DDX20: variants seen among roughly 807,000 people sequenced by gnomAD.
The protein encoded by DDX20 is probable ATP-dependent RNA helicase DDX20.
A neutral mutation model predicts 76.4 loss-of-function variants in DDX20; 61 were observed. That is an observed-to-expected ratio of 0.80 (90% CI 0.65 to 0.99). The LOEUF (loss-of-function observed/expected upper bound fraction) is 0.99, where lower values mean the gene tolerates loss of function less well. DDX20 is among the 50% of genes least tolerant of loss of function. The probability of loss-of-function intolerance (pLI) is 0.00; values close to 1 mark genes in which losing one functional copy is unlikely to be tolerated. For synonymous variants in DDX20, 357 were observed against 357.4 expected, an observed-to-expected ratio of 1.00 and a Z score of 0.01; for missense variants, 976 against 996.8, an observed-to-expected ratio of 0.98 and a Z score of 0.28.
chr1:111,759,899 G>A (rs900092544), intron 3 of DDX20, among the ~76,000 whole-genome samples: 2 of 149,666 alleles, frequency 1.3e-5, no homozygotes, highest in Admixed American at 6.7e-5. Flanking sequence ...GCGTGAACCC[G>A]GGAGGCGGAG....
Position 111,759,479 on chromosome 1 carries a change from G to T in DDX20, c.476G>T (p.Gly159Val). The change falls in exon 3 of 11, where the codon GGC (glycine) becomes GTC (valine). Residue 159 changes from glycine to valine, a missense_variant. Transcript: ENST00000369702. ...ACAGCCATTGGAATAAAAATGGAAG[G>T]CTTAGAGTGTCATGTCTTTATTGGA... Reference protein sequence around the residue: ...VITAIGIKMEGLECHVFIGGT... With the variant: ...VITAIGIKMEVLECHVFIGGT... The T allele has an allele frequency of 1.2e-6, 2 of 1,613,732 alleles. No homozygotes were observed. The highest frequency in any genetic ancestry group is 1.7e-6 in the Non-Finnish European group (2 of 1,179,756).
intron 2 of DDX20, among the ~76,000 whole-genome samples, chr1:111,757,132 A>G (rs947827637): frequency 6.6e-6 from 1 of 151,198 alleles, no homozygotes; most frequent in African/African-American, 2.4e-5. Flanking sequence ...TGCTCACTGC[A>G]ACCTTGAACT....
intron 8 of DDX20, 40 bp from the exon 9 acceptor site, chr1:111,762,637 G>C (rs1435668062): frequency 2.7e-5 from 41 of 1,506,928 alleles, no homozygotes; most frequent in Non-Finnish European, 3.7e-5. Context: ...ATGCTGTATA[G>C]TTAATGCAAA....
At chr1:111,764,363 TTGAG>T (rs1196638267) in intron 10 of DDX20, among the ~76,000 whole-genome samples, 2 of 152,210 alleles carry the variant, frequency 1.3e-5, no homozygotes, top group African/African-American at 4.8e-5. Context: ...ATAAATATAA[TTGAG>T]TATTTTACCG....
rs145204258 is a variant in DDX20, at chr1:111,757,505, G to A, written c.396+765G>A. Among the ~76,000 whole-genome samples, 6 of 152,270 alleles carry A rather than the reference G, an allele frequency of 3.9e-5. No homozygotes were observed. In the East Asian group the frequency reaches 9.6e-4, roughly 24 times the overall value. On this transcript the variant is annotated intron_variant, in intron 2 of 10. Coordinates refer to ENST00000369702, the MANE Select transcript of DDX20 (RefSeq NM_007204.5). ...CAAAGGTTTGTTGAGTCCGTATTAC[G>A]TATAAACAGTGTGCCAGGCATTGGG... is the stretch of plus-strand genomic sequence containing the variant.
chr1:111,762,169 G>C, intron 7 of DDX20, 86 bp from the exon 8 acceptor site: 1 of 984,538 alleles, frequency 1.0e-6, no homozygotes, highest in Non-Finnish European at 1.6e-6. Flanking sequence ...TTAAGACTGG[G>C]TGTTATGCTT....
Position 111,766,603 on chromosome 1 carries a change from G to T in DDX20, c.2179G>T (p.Ala727Ser). 6.2e-7 allele frequency: 1 copy of T among 1,614,138 alleles called. No homozygotes were observed. Among genetic ancestry groups the T allele is most frequent in the East Asian group, 2.2e-5 (1 of 44,884 alleles). Residue 727 changes from alanine (A) to serine (S), a missense_variant, in exon 11 of 11, where the codon GCT becomes TCT. Physicochemically the swap from Ala to Ser is moderately conservative, Grantham distance 99. Transcript: ENST00000369702. ...GATGAAGACAAGACTTAAAGAGGGG[G>T]CTAGCCAGAGAGCTAAGCAGAGCCG... ...IQMKTRLKEG[A>S]SQRAKQSRRN...
Position 111,760,509 on chromosome 1 carries a change from A to G in DDX20, c.601A>G (p.Asn201Asp), listed in dbSNP as rs569599922. Reference protein sequence around the residue: ...IKQLIELDYLNPGSIRLFILD... With the variant: ...IKQLIELDYLDPGSIRLFILD... ...GCAACTCATAGAACTTGACTACTTG[A>G]ACCCAGGCAGTATACGCCTCTTTAT... Residue 201 changes from asparagine to aspartate, a missense_variant, in exon 4 of 11, where the codon AAC (asparagine) becomes GAC (aspartate). Coordinates refer to ENST00000369702, the MANE Select transcript of DDX20 (RefSeq NM_007204.5). 1 of 1,610,222 alleles carries G rather than the reference A, an allele frequency of 6.2e-7. No individual in the cohort carries two copies. The highest frequency in any genetic ancestry group is 8.5e-7 in the Non-Finnish European group (1 of 1,179,104).
chr1:111,766,782 A>G lies in DDX20; in HGVS notation c.2358A>G (p.Glu786=). 6.2e-7 allele frequency: 1 copy of G among 1,614,198 alleles called. No homozygotes were observed. The highest frequency in any genetic ancestry group is 8.5e-7 in the Non-Finnish European group (1 of 1,179,984). ...GAGCTTACTACAGGGCATGGCAAGA[A>G]TATTATGCTGCCGCTTCTCATTCAT... ...YWRAYYRAWQ[E]YYAAASHSYY... is the part of the protein sequence containing the mutation. The change falls in exon 11 of 11, where the codon GAA becomes GAG. Residue 786 remains glutamate, a synonymous_variant. Coordinates refer to ENST00000369702, the MANE Select transcript of DDX20 (RefSeq NM_007204.5).
In DDX20 at chr1:111,762,784, TAAA is replaced by T. The variant is rs78248378; in HGVS notation, c.1210+16_1210+18del. The T allele has an allele frequency of 1.7e-3, 2,563 of 1,507,022 alleles. No homozygotes were observed. The highest frequency in any genetic ancestry group is 2.8e-3 in the Admixed American group (151 of 54,884). The allele number at this position is 1,507,022 out of a possible 1,614,324, so 93.4% of individuals were successfully genotyped here. On this transcript the variant is annotated splice_donor_5th_base_variant and intron_variant, in intron 9 of 10. Transcript: ENST00000369702. ...GGATTGGGAGAGCTGGCCGTTTTGG[TAAA>T]AAAAAAAAAAAAAGTTTGAGTGCTT...
At chr1:111,758,354 C>CT (rs11291406) in intron 2 of DDX20, among the ~76,000 whole-genome samples, 151 of 132,730 alleles carry the variant, frequency 1.1e-3, no homozygotes, top group Non-Finnish European at 1.9e-3. Context: ...TCTCCTAGTC[C>CT]TTTTTTTTTT....
At position 111,760,865 on chromosome 1, in the gene DDX20, G is replaced by A. The variant is rs1279954183; in HGVS notation, c.823+17G>A. On this transcript the variant is annotated intron_variant, in intron 5 of 10. Transcript: ENST00000369702. The stretch of plus-strand genomic sequence containing the variant: ...GTCTCATAGGTGTGTACAGCTTTTA[G>A]GTACTTATATTATTGGTTTATTTGT... 2.5e-6 allele frequency: 4 copies of A among 1,598,542 alleles called. No individual in the cohort carries two copies. The highest frequency in any genetic ancestry group is 3.4e-6 in the Non-Finnish European group (4 of 1,173,950).
rs148206007 is a variant in DDX20 at position 111,756,509 on chromosome 1, G to A, written c.302-137G>A. Reference sequence around the variant, plus strand: ...TCAGGGACTAGGCGTGTTCTCATACGTTTTTGAGAATCAACTAAAAATGAA... The same window carrying A: ...TCAGGGACTAGGCGTGTTCTCATACATTTTTGAGAATCAACTAAAAATGAA... On this transcript the variant is annotated intron_variant, in intron 1 of 10. Transcript: ENST00000369702. 1.7e-4 allele frequency: 125 copies of A among 746,366 alleles called. No individual in the cohort carries two copies. The East Asian group carries it at 3.3e-3, about 20-fold the overall frequency. 46.2% of individuals were successfully genotyped at this position (746,366 alleles called of 1,614,324 possible).
chr1:111,766,794 C>G lies in DDX20; in HGVS notation c.2370C>G (p.Ala790=), dbSNP rs372581568. The G allele has an allele frequency of 1.2e-6, 2 of 1,614,096 alleles. No individual in the cohort carries two copies. The highest frequency in any genetic ancestry group is 1.1e-5 in the South Asian group (1 of 91,084). ...GGGCATGGCAAGAATATTATGCTGC[C>G]GCTTCTCATTCATATTATTGGAATG... The part of the protein sequence containing the change: ...YYRAWQEYYA[A]ASHSYYWNAQ... The change falls in exon 11 of 11, where the codon GCC becomes GCG. Residue 790 remains alanine (A), a synonymous_variant. Transcript: ENST00000369702.
At chr1:111,763,028 T>C (rs1249116284) in intron 10 of DDX20, 21 bp downstream of exon 10, 1 of 1,545,612 alleles carries the variant, frequency 6.5e-7, no homozygotes, top group Non-Finnish European at 8.9e-7. Context: ...TCTGTTTCAT[T>C]ATTTCAAAAT....
In DDX20 at chr1:111,756,715, T is replaced by G. The variant is rs1663565009; in HGVS notation, c.371T>G (p.Leu124Arg). 1 of 1,614,046 alleles carries G rather than the reference T, an allele frequency of 6.2e-7. No homozygotes were observed. Among genetic ancestry groups the G allele is most frequent in the South Asian group, 1.1e-5 (1 of 91,084 alleles). The change falls in exon 2 of 11, where the codon CTT becomes CGT. Residue 124 changes from leucine (L) to arginine (R), a missense_variant. Physicochemically the swap from Leu to Arg is moderately radical, Grantham distance 102 (BLOSUM62 -2). Coordinates refer to ENST00000369702, the MANE Select transcript of DDX20 (RefSeq NM_007204.5). ...CVFSTIALDSLVLENLSTQIL... is the reference protein window; with the variant it reads ...CVFSTIALDSRVLENLSTQIL... ...TTCTCCACCATAGCTTTGGACTCTC[T>G]TGTTCTTGAAAACTTAAGTACCCAG...
chr1:111,764,025 A>ATGC (rs1663726868), intron 10 of DDX20, among the ~76,000 whole-genome samples: 3 of 152,186 alleles, frequency 2.0e-5, no homozygotes, highest in African/African-American at 7.2e-5. Flanking sequence ...CACGCCTGTA[A>ATGC]TGCCAGCACT....
intron 10 of DDX20, among the ~76,000 whole-genome samples, chr1:111,764,080 C>T (rs1007097887): frequency 8.6e-5 from 13 of 151,944 alleles, no homozygotes; most frequent in African/African-American, 2.9e-4. Flanking sequence ...GAGATCAAGA[C>T]CATCCTGGCT....
At chr1:111,765,356 G>A (rs984882442) in intron 10 of DDX20, among the ~76,000 whole-genome samples, 2 of 152,148 alleles carry the variant, frequency 1.3e-5, no homozygotes, top group African/African-American at 4.8e-5. Flanking sequence ...GCTTTGGGGA[G>A]CACAATCCAT....
Sources: allele counts gnomAD v4.1 joint callset (sites outside exome capture counted in the v4.1 genomes callset), GRCh38; gene constraint gnomAD v4.1.1; transcripts MANE v1.5; gene names NCBI Gene and HGNC (gene_info 2026-07-23, HGNC 2026-07-21).